The following NT5DC1 variants were observed in gnomAD, a reference collection of about 807,000 sequenced individuals.
NT5DC1 encodes the protein 5'-nucleotidase domain-containing protein 1.
NT5DC1 carries 42 observed loss-of-function variants against 59.4 expected under a neutral mutation model. The ratio of observed to expected loss-of-function variants is 0.71; its 90% CI spans 0.55 to 0.92. NT5DC1 has a LOEUF of 0.92. Among genes scored for constraint, NT5DC1 ranks in the 40% least tolerant of loss-of-function variants. NT5DC1 has a pLI of 0.00. For synonymous variants in NT5DC1, 172 were observed against 188.1 expected (o/e 0.91, Z 0.70); for missense variants, 501 against 537.1 (o/e 0.93, Z 0.66).
At chr6:116,211,194 T>A (rs1005060659) in intron 6 of NT5DC1, among the ~76,000 whole-genome samples, 12 of 152,000 alleles carry the variant, frequency 7.9e-5, no homozygotes, top group South Asian at 6.2e-4. Context: ...TTTCACCAGC[T>A]CTCACCGTTC....
intron 6 of NT5DC1, among the ~76,000 whole-genome samples, chr6:116,183,827 A>G (rs1331546733): frequency 6.6e-6 from 1 of 151,966 alleles, no homozygotes; most frequent in East Asian, 1.9e-4. Context: ...TTCTAGGTAT[A>G]TGATCATGTC....
intron 11 of NT5DC1, among the ~76,000 whole-genome samples, chr6:116,241,956 A>G (rs1484068235): frequency 3.3e-4 from 49 of 147,008 alleles, no homozygotes; most frequent in Non-Finnish European, 4.7e-4. Context: ...AAAAAAAAAA[A>G]AAACAAAGAA....
At chr6:116,193,196 T>C (rs1223783917) in intron 6 of NT5DC1, among the ~76,000 whole-genome samples, 1 of 152,118 alleles carries the variant, frequency 6.6e-6, no homozygotes, top group Admixed American at 6.6e-5. Context: ...TGTTTTACTC[T>C]TAGTTCTGCC....
At chr6:116,147,014 T>TA (rs397780478) in intron 6 of NT5DC1, among the ~76,000 whole-genome samples, 8 of 147,444 alleles carry the variant, frequency 5.4e-5, no homozygotes, top group African/African-American at 1.0e-4. Context: ...TATATATATA[T>TA]TTTTAATCAT....
chr6:116,122,086 G>A (rs1779149462), intron 6 of NT5DC1: 1 of 901,476 alleles, frequency 1.1e-6, no homozygotes, highest in Middle Eastern at 3.2e-4. Flanking sequence ...CATGTAGACA[G>A]AACAGTCTGA....
chr6:116,131,914 G>C (rs1407127018), intron 6 of NT5DC1, among the ~76,000 whole-genome samples: 1 of 152,166 alleles, frequency 6.6e-6, no homozygotes, highest in African/African-American at 2.4e-5. Context: ...TTATAAGTGA[G>C]AACATGCAGT....
intron 8 of NT5DC1, among the ~76,000 whole-genome samples, chr6:116,225,523 A>G (rs1781890793): frequency 6.6e-6 from 1 of 152,222 alleles, no homozygotes; most frequent in Admixed American, 6.5e-5. Flanking sequence ...AGGAAAGGGT[A>G]GCCAGCTAGT....
chr6:116,238,315 G>T lies in NT5DC1; in HGVS notation c.1050G>T (p.Glu350Asp), dbSNP rs1384512043. 1 of 1,611,324 alleles carries T rather than the reference G, an allele frequency of 6.2e-7. No homozygotes were observed. The highest frequency in any genetic ancestry group is 2.2e-5 in the East Asian group (1 of 44,774). Residue 350 changes from glutamate (E) to aspartate (D), a missense_variant, in exon 10 of 12, where the codon GAG (glutamate) becomes GAT (aspartate). Coordinates refer to ENST00000319550, the MANE Select transcript of NT5DC1 (RefSeq NM_152729.3). ...GCACGAGGAGTCAGAGGCCTGAGGA[G>T]TCAGAGCCTCTAGAGAAGAAAGGAA... is the stretch of plus-strand genomic sequence containing the variant. ...DEGTRSQRPE[E>D]SEPLEKKGKY... is the part of the protein sequence containing the mutation.
rs1378014046 is a variant in NT5DC1, at chr6:116,182,237, G to GTGTGTGTGTGTA, written c.530-38806_530-38805insATGTGTGTGTGT. ...TTCCATGGAGAGTGTGTGTGTGTGT[G>GTGTGTGTGTGTA]TGTGTGTGTGTGTGTGTATCACATT... On this transcript the variant is annotated intron_variant, in intron 6 of 11. Transcript: ENST00000319550. 6.3e-4 allele frequency among the ~76,000 whole-genome samples: 96 copies of GTGTGTGTGTGTA among 151,668 alleles called. 3 individuals carry two copies. The East Asian group carries it at 8.3e-3, about 13-fold the overall frequency.
rs200497552 is a variant in NT5DC1, at chr6:116,220,120, AC to A, written c.530-932del. On this transcript the variant is annotated intron_variant, in intron 6 of 11. Transcript: ENST00000319550. ...TCTATCATTCAGTACAAGCTGTTTAACCTTTTTTTTTTTTTTTTTTTTTTTG... is the reference window on the plus strand; with the variant it reads ...TCTATCATTCAGTACAAGCTGTTTAACTTTTTTTTTTTTTTTTTTTTTTTG... 6.9e-4 allele frequency among the ~76,000 whole-genome samples: 82 copies of A among 118,454 alleles called. 1 individual carries two copies. Among genetic ancestry groups the A allele is most frequent in the South Asian group, 1.7e-3 (7 of 4,176 alleles). 77.7% of individuals were successfully genotyped at this position (118,454 alleles called of 152,430 possible).
At chr6:116,167,196 C>T (rs985636525) in intron 6 of NT5DC1, among the ~76,000 whole-genome samples, 3 of 142,982 alleles carry the variant, frequency 2.1e-5, no homozygotes, top group African/African-American at 7.7e-5. Flanking sequence ...AAAATTAGTT[C>T]AAATAGAAGA....
chr6:116,111,352 C>G (rs1409880622), intron 4 of NT5DC1, among the ~76,000 whole-genome samples: 1 of 152,162 alleles, frequency 6.6e-6, no homozygotes, highest in Non-Finnish European at 1.5e-5. Flanking sequence ...GATTATCTTC[C>G]TTACTGCCAG....
At chr6:116,166,214 G>C (rs962143634) in intron 6 of NT5DC1, among the ~76,000 whole-genome samples, 9 of 152,126 alleles carry the variant, frequency 5.9e-5, no homozygotes, top group Admixed American at 2.6e-4. Flanking sequence ...ACATCAACCA[G>C]TGGGGTCTCC....
At chr6:116,124,932 A>G (rs548283277) in intron 6 of NT5DC1, among the ~76,000 whole-genome samples, 1 of 152,304 alleles carries the variant, frequency 6.6e-6, no homozygotes, top group African/African-American at 2.4e-5. Context: ...TTTAAAAGTA[A>G]ATGTTTAATA....
At chr6:116,162,257 A>T (rs1453319292) in intron 6 of NT5DC1, among the ~76,000 whole-genome samples, 1 of 152,124 alleles carries the variant, frequency 6.6e-6, no homozygotes, top group Non-Finnish European at 1.5e-5. Flanking sequence ...TCCGATTTGG[A>T]TGCCTTTAAT....
intron 6 of NT5DC1, among the ~76,000 whole-genome samples, chr6:116,131,301 C>T (rs1043677486): frequency 2.0e-5 from 3 of 152,134 alleles, no homozygotes; most frequent in Admixed American, 2.0e-4. Flanking sequence ...GAAGGGTAGC[C>T]TCTGTTACTG....
intron 6 of NT5DC1, among the ~76,000 whole-genome samples, chr6:116,168,324 T>C (rs1780524316): frequency 6.6e-6 from 1 of 152,068 alleles, no homozygotes; most frequent in East Asian, 1.9e-4. Flanking sequence ...TCTTTTAATC[T>C]CATTTCTAAC....
intron 6 of NT5DC1, among the ~76,000 whole-genome samples, chr6:116,195,035 G>A (rs1169920270): frequency 6.6e-6 from 1 of 151,894 alleles, no homozygotes; most frequent in Admixed American, 6.6e-5. Context: ...ATACTCTACC[G>A]CTCTCTCTAT....
At chr6:116,198,027 A>T (rs1428327446) in intron 6 of NT5DC1, among the ~76,000 whole-genome samples, 4 of 152,174 alleles carry the variant, frequency 2.6e-5, no homozygotes, top group Admixed American at 6.5e-5. Context: ...AATGTCCTTC[A>T]TCAGCTTGCT....
Sources: gnomAD v4.1 joint callset for allele counts (sites outside exome capture counted in the v4.1 genomes callset) on GRCh38, gnomAD v4.1.1 for gene constraint, MANE v1.5 for transcripts, NCBI Gene and HGNC (gene_info 2026-07-23, HGNC 2026-07-21) for gene names.